Variants in PIK3CD observed in about 807,000 individuals in gnomAD.
PIK3CD encodes the protein phosphatidylinositol-4,5-bisphosphate 3-kinase catalytic subunit delta.
In PIK3CD, 20 loss-of-function variants were observed where a neutral mutation model predicts 122.9. That is an observed-to-expected ratio of 0.16 (90% CI 0.11 to 0.24). PIK3CD has a LOEUF of 0.24. Among genes scored for constraint, PIK3CD ranks in the 10% least tolerant of loss-of-function variants. The pLI is 1.00. For missense variants in PIK3CD, 787 were observed against 1,406.3 expected (o/e 0.56, Z 7.04); for synonymous variants, 596 against 593.4 (o/e 1.00, Z -0.06).
In PIK3CD at chr1:9,709,132, C is replaced by T. The variant is rs111264412; in HGVS notation, c.-32-1292C>T. Among the ~76,000 whole-genome samples the T allele has an allele frequency of 1.8e-4, 28 of 152,010 alleles. No homozygotes were observed. The South Asian group carries it at 5.2e-3, about 28-fold the overall frequency. ...GCAACCTCCAACTCCTGGGTTCAAG[C>T]GATTCTCCTGTGTCAGCCTCCTGGG... is the stretch of plus-strand genomic sequence containing the variant. On this transcript the variant is annotated intron_variant, in intron 2 of 23. Coordinates refer to ENST00000377346, the MANE Select transcript of PIK3CD (RefSeq NM_005026.5).
At chr1:9,638,600 C>T in the PIK3CD span, among the ~76,000 whole-genome samples, 15 of 151,234 alleles carry the variant, frequency 9.9e-5, no homozygotes, top group South Asian at 2.1e-4. Context: ...GGTGTGGTGG[C>T]GGGCGCCTGT....
chr1:9,693,298 C>T (rs1429725157), intron 2 of PIK3CD, among the ~76,000 whole-genome samples: 2 of 152,172 alleles, frequency 1.3e-5, no homozygotes, highest in African/African-American at 4.8e-5. Context: ...AATCTCAGCT[C>T]ACTGCCACCT....
In PIK3CD at chr1:9,720,919, G is replaced by A; in HGVS notation, c.1689+10G>A. 1 of 1,578,032 alleles carries A rather than the reference G, an allele frequency of 6.3e-7. No individual in the cohort carries two copies. The highest frequency in any genetic ancestry group is 8.6e-7 in the Non-Finnish European group (1 of 1,162,382). ...TGAGGATGTGGCCCAGGTGGGTGGGGAGGCGCACCTGGGGGCGGAGCTGGG... is the reference window on the plus strand; with the variant it reads ...TGAGGATGTGGCCCAGGTGGGTGGGAAGGCGCACCTGGGGGCGGAGCTGGG... On this transcript the variant is annotated intron_variant, in intron 13 of 23. Coordinates refer to ENST00000377346, the MANE Select transcript of PIK3CD (RefSeq NM_005026.5). The surrounding 1 kb of genome is among the most constrained non-coding windows in gnomAD (Gnocchi z 9.0).
At chr1:9,703,721 C>T (rs1646733151) in intron 2 of PIK3CD, among the ~76,000 whole-genome samples, 1 of 152,144 alleles carries the variant, frequency 6.6e-6, no homozygotes, top group African/African-American at 2.4e-5. Context: ...ACATTCTGCT[C>T]AGAAAGAGTA....
At chr1:9,668,405 A>G (rs1017188862) in intron 1 of PIK3CD, among the ~76,000 whole-genome samples, 1 of 150,064 alleles carries the variant, frequency 6.7e-6, no homozygotes, top group Non-Finnish European at 1.5e-5. Context: ...CACCTTCCAC[A>G]TAGTTGATGC....
intron 2 of PIK3CD, among the ~76,000 whole-genome samples, chr1:9,695,774 G>A (rs1310754271): frequency 6.0e-5 from 9 of 151,248 alleles, no homozygotes; most frequent in East Asian, 2.0e-4. Flanking sequence ...CCCGGGAGGC[G>A]GAGGCTGCAG....
chr1:9,637,878 C>T, the PIK3CD span, among the ~76,000 whole-genome samples: 12 of 151,998 alleles, frequency 7.9e-5, no homozygotes, highest in East Asian at 1.9e-4. Flanking sequence ...CCAAGGCAGG[C>T]GGATCACTTG....
At chr1:9,633,182 G>C in the PIK3CD span, among the ~76,000 whole-genome samples, 1 of 152,084 alleles carries the variant, frequency 6.6e-6, no homozygotes, top group Non-Finnish European at 1.5e-5. Flanking sequence ...TCTTGTTGGT[G>C]CTGGTACTTT....
Position 9,689,036 on chromosome 1 carries a change from T to G in PIK3CD, c.-137-2431T>G, listed in dbSNP as rs1646083603. 6.6e-6 allele frequency among the ~76,000 whole-genome samples: 1 copy of G among 152,252 alleles called. No homozygotes were observed. Among genetic ancestry groups the G allele is most frequent in the African/African-American group, 2.4e-5 (1 of 41,472 alleles). ...CTAGGGAACAGCCAGCAGGCTGGAT[T>G]TGAGCCCAGAGCCCGGGCTGGCCAA... On this transcript the variant is annotated intron_variant, in intron 1 of 23. Transcript: ENST00000377346. The surrounding 1 kb of genome is among the most constrained non-coding windows in gnomAD (Gnocchi z 6.1).
At chr1:9,643,445 AGGAAGGAAGGGAGGGAGGGAG>A in the PIK3CD span, among the ~76,000 whole-genome samples, 1 of 109,512 alleles carries the variant, frequency 9.1e-6, no homozygotes, top group Admixed American at 1.2e-4. Context: ...AGAGAGGGGA[AGGAAGGAAGGGAGGGAGGGAG>A]GGAAGGAAGG....
At chr1:9,706,302 GC>G (rs561849940) in intron 2 of PIK3CD, among the ~76,000 whole-genome samples, 50 of 150,366 alleles carry the variant, frequency 3.3e-4, no homozygotes, top group Non-Finnish European at 6.6e-4. Flanking sequence ...ACCAACCTGG[GC>G]AACATAGCAA....
At chr1:9,679,726 G>GC (rs1645677339) in intron 1 of PIK3CD, among the ~76,000 whole-genome samples, 2 of 152,106 alleles carry the variant, frequency 1.3e-5, no homozygotes, top group Non-Finnish European at 2.9e-5. Context: ...TCCTCGTCAT[G>GC]TTTTAGCATA....
rs113442715 is a variant in PIK3CD at position 9,717,944 on chromosome 1, A to C, written c.1020+318A>C. Among the ~76,000 whole-genome samples, 3,008 of 152,074 alleles carry C rather than the reference A, an allele frequency of 0.02. 90 individuals carry two copies. The highest frequency in any genetic ancestry group is 0.069 in the African/African-American group (2,845 of 41,490). On this transcript the variant is annotated intron_variant, in intron 8 of 23. Transcript: ENST00000377346. The surrounding 1 kb of genome is among the most constrained non-coding windows in gnomAD (Gnocchi z 5.4). ...AGCTGGGGGAAGGGCCGGGCATGGA[A>C]GAGGGGCTGGGTCCAGCTGGGCTGG...
the PIK3CD span, among the ~76,000 whole-genome samples, chr1:9,640,522 T>C: frequency 6.6e-6 from 1 of 151,214 alleles, no homozygotes; most frequent in African/African-American, 2.4e-5. Context: ...GAAGTTGTAG[T>C]GAGCCGAGAC....
chr1:9,719,470 C>G lies in PIK3CD; in HGVS notation c.1243-451C>G, dbSNP rs1648127079. Among the ~76,000 whole-genome samples, 1 of 152,028 alleles carries G rather than the reference C, an allele frequency of 6.6e-6. No individual in the cohort carries two copies. Among genetic ancestry groups the G allele is most frequent in the South Asian group, 2.1e-4 (1 of 4,820 alleles). On this transcript the variant is annotated intron_variant, in intron 9 of 23. Transcript: ENST00000377346. This position sits in a 1 kb window ranked among gnomAD's most constrained non-coding sequence, Gnocchi z 5.5. ...GGTCAGGAGTTTGAGACCAGCCTGGCCAATATGGTGAAACCCTGTCTCTAC... is the reference window on the plus strand; with the variant it reads ...GGTCAGGAGTTTGAGACCAGCCTGGGCAATATGGTGAAACCCTGTCTCTAC...
chr1:9,723,747 G>A lies in PIK3CD; in HGVS notation c.2595-222G>A, dbSNP rs72633870. On this transcript the variant is annotated intron_variant, in intron 20 of 23. Transcript: ENST00000377346. This position sits in a 1 kb window ranked among gnomAD's most constrained non-coding sequence, Gnocchi z 4.9. Reference sequence around the variant, plus strand: ...CATTTAGCAGCCTCACCTTCCTTCCGTGGCTCTGTATTGAGGGTATGGGGT... The same window carrying A: ...CATTTAGCAGCCTCACCTTCCTTCCATGGCTCTGTATTGAGGGTATGGGGT... 4.4e-3 allele frequency among the ~76,000 whole-genome samples: 671 copies of A among 152,168 alleles called. 12 individuals are homozygous for A. Among genetic ancestry groups the A allele is most frequent in the East Asian group, 0.042 (218 of 5,174 alleles).
At position 9,689,835 on chromosome 1, in the gene PIK3CD, A is replaced by C. The variant is rs1646130365; in HGVS notation, c.-137-1632A>C. 6.8e-6 allele frequency among the ~76,000 whole-genome samples: 1 copy of C among 147,758 alleles called. No individual in the cohort carries two copies. Reference sequence around the variant, plus strand: ...TTTGTCCGCCTGGGGCGGGGTGGGCAGGGTCGGTGGAGGCGATCAGGGGTC... The same window carrying C: ...TTTGTCCGCCTGGGGCGGGGTGGGCCGGGTCGGTGGAGGCGATCAGGGGTC... On this transcript the variant is annotated intron_variant, in intron 1 of 23. Transcript: ENST00000377346. The surrounding 1 kb of genome is among the most constrained non-coding windows in gnomAD (Gnocchi z 6.1).
intron 1 of PIK3CD, among the ~76,000 whole-genome samples, chr1:9,683,124 C>CAAA (rs756702134): frequency 7.1e-5 from 5 of 70,476 alleles, no homozygotes; most frequent in African/African-American, 2.5e-4. Flanking sequence ...GACATTGTCT[C>CAAA]AAAAAAAAAA....
intron 1 of PIK3CD, among the ~76,000 whole-genome samples, chr1:9,667,864 G>A (rs1441736288): frequency 7.0e-6 from 1 of 141,998 alleles, no homozygotes; most frequent in Non-Finnish European, 1.5e-5. Context: ...AGCCTCCCAA[G>A]TAGCTGGGAC....
Sources: gnomAD v4.1 joint callset for allele counts (sites outside exome capture counted in the v4.1 genomes callset) on GRCh38, gnomAD v4.1.1 for gene constraint, Gnocchi (gnomAD v3.1) non-coding constraint, MANE v1.5 for transcripts, NCBI Gene and HGNC (gene_info 2026-07-23, HGNC 2026-07-21) for gene names.